Variants in LRBA observed in about 807,000 individuals in gnomAD.
LRBA encodes LPS responsive beige-like anchor protein.
A neutral mutation model predicts 330.0 loss-of-function variants in LRBA; 176 were observed. The ratio of observed to expected loss-of-function variants is 0.53; its 90% CI spans 0.47 to 0.60. The LOEUF is 0.60. LRBA is among the 20% of genes least tolerant of loss of function. The probability of loss-of-function intolerance (pLI) is 0.00; values close to 1 mark genes in which losing one functional copy is unlikely to be tolerated. For missense variants in LRBA, 3,259 were observed against 3,444.8 expected, an observed-to-expected ratio of 0.95 and a Z score of 1.35; for synonymous variants, 1,230 against 1,193.0, an observed-to-expected ratio of 1.03 and a Z score of -0.64.
rs779093256 is a variant in LRBA, at chr4:150,583,507, T to C, written c.6330+4541A>G. The C allele has an allele frequency of 6.8e-5, 109 of 1,613,858 alleles. No individual in the cohort carries two copies. The Admixed American group carries it at 7.5e-4, about 11-fold the overall frequency. ...GATCGCGGACACCAGCGAGGTCAAG[T>C]TGCGCATCAGGGAGCGCTATGTGGT... is the stretch of plus-strand genomic sequence containing the variant. On this transcript the variant is annotated intron_variant, in intron 40 of 56. Transcript: ENST00000651943. This position sits in a 1 kb window ranked among gnomAD's most constrained non-coding sequence, Gnocchi z 9.8.
chr4:150,766,525 C>T (rs1735784331), intron 34 of LRBA, among the ~76,000 whole-genome samples: 1 of 152,106 alleles, frequency 6.6e-6, no homozygotes, highest in African/African-American at 2.4e-5. Flanking sequence ...CTGAACTATG[C>T]TATCCTAAAC....
chr4:150,658,523 C>T (rs1392000284), intron 37 of LRBA, among the ~76,000 whole-genome samples: 2 of 68 alleles, frequency 0.029, no homozygotes, highest in African/African-American at 0.071. Context: ...CTCCCTCTCC[C>T]TCTCCCTCTC....
intron 40 of LRBA, among the ~76,000 whole-genome samples, chr4:150,529,273 G>A (rs1763808369): frequency 6.6e-6 from 1 of 152,036 alleles, no homozygotes; most frequent in African/African-American, 2.4e-5. Flanking sequence ...TTACCTTTAC[G>A]GTGAGTATGC....
At chr4:150,468,106 T>A (rs187604148) in intron 43 of LRBA, among the ~76,000 whole-genome samples, 27 of 152,086 alleles carry the variant, frequency 1.8e-4, no homozygotes, top group African/African-American at 6.3e-4. Context: ...TAATTTTTTT[T>A]ATCACTTGAA....
chr4:150,887,768 CAAAAAAAA>C (rs33950813), intron 17 of LRBA, among the ~76,000 whole-genome samples: 1 of 82,234 alleles, frequency 1.2e-5, no homozygotes, highest in East Asian at 3.2e-4. Context: ...GACTCCGTCT[CAAAAAAAA>C]AAAAAAAAAA....
At chr4:150,325,944 C>G (rs747690514) in intron 48 of LRBA, 46 bp from the exon 49 acceptor site, 2 of 1,032,730 alleles carry the variant, frequency 1.9e-6, no homozygotes, top group East Asian at 4.8e-5. Flanking sequence ...GTGCTAATTA[C>G]AGGAAATAGA....
chr4:150,507,648 C>T (rs1381534894), intron 40 of LRBA, among the ~76,000 whole-genome samples: 1 of 152,054 alleles, frequency 6.6e-6, no homozygotes, highest in Admixed American at 6.5e-5. Context: ...TAGGCAATAC[C>T]ATTCAGGACA....
At chr4:150,841,059 G>GC in intron 28 of LRBA, 6 of 1,039,042 alleles carry the variant, frequency 5.8e-6, no homozygotes, top group Non-Finnish European at 7.5e-6. Flanking sequence ...TTAGTCTGTT[G>GC]GAAAAAACAA....
At chr4:150,447,950 G>A (rs921628385) in intron 44 of LRBA, among the ~76,000 whole-genome samples, 1 of 152,150 alleles carries the variant, frequency 6.6e-6, no homozygotes, top group Non-Finnish European at 1.5e-5. Context: ...TTAACAACAC[G>A]TGGAGGTCAA....
intron 40 of LRBA, among the ~76,000 whole-genome samples, chr4:150,586,251 A>G (rs1343648288): frequency 6.6e-6 from 1 of 152,150 alleles, no homozygotes; most frequent in Non-Finnish European, 1.5e-5. Flanking sequence ...ATAAGTGACC[A>G]TTTTTCTCAC....
At chr4:150,881,901 A>C (rs1196062630) in intron 17 of LRBA, among the ~76,000 whole-genome samples, 1 of 152,120 alleles carries the variant, frequency 6.6e-6, no homozygotes, top group African/African-American at 2.4e-5. Context: ...AGCCAGACCA[A>C]CATGGCAAAA....
chr4:150,831,933 T>A lies in LRBA; in HGVS notation c.4613A>T (p.Tyr1538Phe). ...QAQFLALAVVYFISVLMVSKY... is the reference protein window; with the variant it reads ...QAQFLALAVVFFISVLMVSKY... ...GGAGACCATAAGAACAGAGATAAAG[T>A]ATACTACTGCCAAGGCTAAAAATTG... The change falls in exon 29 of 57, where the codon TAC (tyrosine) becomes TTC (phenylalanine). Residue 1538 changes from tyrosine (Y) to phenylalanine (F), a missense_variant. Transcript: ENST00000651943. 6.3e-7 allele frequency: 1 copy of A among 1,576,418 alleles called. No homozygotes were observed. Among genetic ancestry groups the A allele is most frequent in the South Asian group, 1.2e-5 (1 of 83,148 alleles).
At chr4:150,348,716 T>C (rs1408175365) in intron 48 of LRBA, among the ~76,000 whole-genome samples, 1 of 152,146 alleles carries the variant, frequency 6.6e-6, no homozygotes, top group Non-Finnish European at 1.5e-5. Flanking sequence ...TGAAGAATTA[T>C]GGGCATTTAA....
chr4:150,872,835 T>G, intron 17 of LRBA, 80 bp from the exon 18 acceptor site: 1 of 607,564 alleles, frequency 1.6e-6, no homozygotes, highest in Non-Finnish European at 2.8e-6. Context: ...ACTTTTCATA[T>G]TATTATAAAT....
In LRBA at chr4:150,502,434, C is replaced by A. The variant is rs143189385; in HGVS notation, c.6331-11399G>T. Reference sequence around the variant, plus strand: ...CCACCACACAACTAGGCAAAAATCACTACAACTGGCATTCAATTCATAATT... The same window carrying A: ...CCACCACACAACTAGGCAAAAATCAATACAACTGGCATTCAATTCATAATT... On this transcript the variant is annotated intron_variant, in intron 40 of 56. Transcript: ENST00000651943. Among the ~76,000 whole-genome samples the A allele has an allele frequency of 2.6e-3, 402 of 152,322 alleles. 3 individuals carry two copies. Among genetic ancestry groups the A allele is most frequent in the Middle Eastern group, 0.017 (5 of 294 alleles).
intron 47 of LRBA, 65 bp downstream of exon 47, chr4:150,415,373 C>T (rs1255394521): frequency 2.0e-5 from 30 of 1,463,830 alleles, no homozygotes; most frequent in Middle Eastern, 1.8e-4. Context: ...TGATTATACA[C>T]CAACACATGA....
chr4:150,934,965 G>T (rs1046210462), intron 2 of LRBA, among the ~76,000 whole-genome samples: 4 of 149,426 alleles, frequency 2.7e-5, no homozygotes, highest in African/African-American at 7.4e-5. Flanking sequence ...CCGAGATCGC[G>T]CCATTGCACT....
intron 37 of LRBA, among the ~76,000 whole-genome samples, chr4:150,654,891 G>A (rs919057007): frequency 6.6e-6 from 1 of 152,110 alleles, no homozygotes; most frequent in African/African-American, 2.4e-5. Context: ...TTTTATGGCT[G>A]CATAGTATTC....
chr4:150,319,933 T>C (rs1044917323), intron 50 of LRBA, among the ~76,000 whole-genome samples: 1 of 152,226 alleles, frequency 6.6e-6, no homozygotes, highest in Non-Finnish European at 1.5e-5. Flanking sequence ...CAGTGCTTTA[T>C]GCACACTTCA....
Sources: allele counts gnomAD v4.1 joint callset (sites outside exome capture counted in the v4.1 genomes callset), GRCh38; gene constraint gnomAD v4.1.1; non-coding constraint Gnocchi (gnomAD v3.1); transcripts MANE v1.5; gene names NCBI Gene and HGNC (gene_info 2026-07-23, HGNC 2026-07-21).